Variants in SPATA6 observed in about 807,000 individuals in gnomAD.
SPATA6 encodes spermatogenesis associated 6, also known as spermatogenesis-associated protein 6.
In SPATA6, 56 loss-of-function variants were observed where a neutral mutation model predicts 65.3. The observed-to-expected ratio is 0.86, with a 90% CI of 0.69 to 1.07. The LOEUF (loss-of-function observed/expected upper bound fraction) is 1.07, where lower values mean the gene tolerates loss of function less well. Among genes scored for constraint, SPATA6 ranks in the 50% least tolerant of loss-of-function variants. The pLI is 0.00. For missense variants in SPATA6, 590 were observed against 594.8 expected (o/e 0.99, Z 0.08); for synonymous variants, 199 against 213.2 (o/e 0.93, Z 0.58).
chr1:48,367,760 T>C (rs2148846168), intron 9 of SPATA6, among the ~76,000 whole-genome samples: 2 of 152,342 alleles, frequency 1.3e-5, no homozygotes, highest in East Asian at 1.9e-4. Context: ...AATTTGCCAG[T>C]CTGTGTCTTT....
intron 11 of SPATA6, among the ~76,000 whole-genome samples, chr1:48,335,212 G>A (rs1646027017): frequency 6.6e-6 from 1 of 151,972 alleles, no homozygotes; most frequent in East Asian, 1.9e-4. Flanking sequence ...ACTGCTCAAT[G>A]CAATTTACAG....
chr1:48,423,812 G>A (rs752847452), intron 3 of SPATA6, among the ~76,000 whole-genome samples: 7 of 151,944 alleles, frequency 4.6e-5, no homozygotes, highest in Non-Finnish European at 1.0e-4. Context: ...CTTCCAAAGT[G>A]CTGAGATTAC....
At chr1:48,292,850 G>A (rs1284507445), downstream of SPATA6, among the ~76,000 whole-genome samples, 2 of 152,258 alleles carry the variant, frequency 1.3e-5, no homozygotes, top group Non-Finnish European at 2.9e-5. Flanking sequence ...AGTGCCAACT[G>A]CAGGCATGCA....
At chr1:48,329,111 T>G (rs1306737923) in intron 11 of SPATA6, among the ~76,000 whole-genome samples, 4 of 152,118 alleles carry the variant, frequency 2.6e-5, no homozygotes, top group African/African-American at 9.7e-5. Context: ...GAGAAGAAAT[T>G]AAAGTAGCTG....
In SPATA6 at chr1:48,420,454, G is replaced by A. The variant is rs190850911; in HGVS notation, c.239-7303C>T. Reference sequence around the variant, plus strand: ...GGACTTGGGCCTGCTGTCTTTAGGGGCTGCAGGATATGAGGGACTAAACCC... The same window carrying A: ...GGACTTGGGCCTGCTGTCTTTAGGGACTGCAGGATATGAGGGACTAAACCC... On this transcript the variant is annotated intron_variant, in intron 3 of 12. Transcript: ENST00000371847. Among the ~76,000 whole-genome samples the A allele has an allele frequency of 7.2e-4, 109 of 152,280 alleles. 2 individuals are homozygous for A. Among genetic ancestry groups the A allele is most frequent in the Admixed American group, 6.8e-3 (104 of 15,298 alleles).
At chr1:48,298,971 T>C (rs1473296428) in intron 12 of SPATA6, 78 bp from the exon 13 acceptor site, 2 of 1,388,648 alleles carry the variant, frequency 1.4e-6, no homozygotes, top group East Asian at 2.3e-5. Flanking sequence ...CAAATATTTA[T>C]TGAGTACTCT....
chr1:48,460,550 T>C (rs572869342), intron 1 of SPATA6, among the ~76,000 whole-genome samples: 55 of 152,132 alleles, frequency 3.6e-4, no homozygotes, highest in African/African-American at 1.2e-3. Context: ...CAATGCACCA[T>C]AGGTTCCAGC....
At position 48,321,952 on chromosome 1, in the gene SPATA6, C is replaced by A. The variant is rs577188826; in HGVS notation, c.1195-16074G>T. On this transcript the variant is annotated intron_variant, in intron 11 of 12. Coordinates refer to ENST00000371847, the MANE Select transcript of SPATA6 (RefSeq NM_019073.4). ...TATTAAGAAGAAAATTTTAAAATTT[C>A]TTAAAGTAAATGTACATGAAAATAC... is the stretch of plus-strand genomic sequence containing the variant. Among the ~76,000 whole-genome samples the A allele has an allele frequency of 1.1e-4, 16 of 152,064 alleles. 1 individual carries two copies. In the South Asian group the frequency reaches 3.3e-3, roughly 32 times the overall value.
chr1:48,279,347 T>G, the SPATA6 span, among the ~76,000 whole-genome samples: 1 of 152,234 alleles, frequency 6.6e-6, no homozygotes. Context: ...ACTTTAAATG[T>G]AAATGGGCTA....
At chr1:48,309,700 T>C (rs1361544899) in intron 11 of SPATA6, among the ~76,000 whole-genome samples, 5 of 152,220 alleles carry the variant, frequency 3.3e-5, no homozygotes, top group African/African-American at 1.2e-4. Context: ...TGTTGTTGTT[T>C]ATTCTAGTTA....
At chr1:48,300,019 G>A (rs1340283186) in intron 12 of SPATA6, among the ~76,000 whole-genome samples, 2 of 151,964 alleles carry the variant, frequency 1.3e-5, no homozygotes, top group African/African-American at 4.8e-5. Context: ...GAAGGTGGGA[G>A]AGAGAGAGAG....
At chr1:48,466,651 A>G (rs1657828729) in intron 1 of SPATA6, among the ~76,000 whole-genome samples, 4 of 150,360 alleles carry the variant, frequency 2.7e-5, no homozygotes, top group Admixed American at 2.7e-4. Context: ...GCATCAAAGG[A>G]TTCAGTTTTT....
intron 9 of SPATA6, among the ~76,000 whole-genome samples, chr1:48,367,838 C>T (rs2354011): frequency 0.98 from 148,884 of 152,252 alleles, 72,879 homozygotes; most frequent in East Asian, 1. Context: ...ATCCTGTCAT[C>T]TTGATGTTAT....
chr1:48,471,814 C>G, intron 1 of SPATA6, 144 bp downstream of exon 1: 3 of 926,504 alleles, frequency 3.2e-6, no homozygotes, highest in Non-Finnish European at 5.0e-6. Context: ...CAAGATGGGG[C>G]AGGACCGAAG....
At chr1:48,346,664 C>T (rs1216277674) in intron 11 of SPATA6, among the ~76,000 whole-genome samples, 1 of 152,040 alleles carries the variant, frequency 6.6e-6, no homozygotes, top group Non-Finnish European at 1.5e-5. Context: ...CATTCCTATA[C>T]ACCAACAATA....
chr1:48,364,117 C>A (rs1198361556), intron 9 of SPATA6, among the ~76,000 whole-genome samples: 2 of 152,166 alleles, frequency 1.3e-5, no homozygotes, highest in Admixed American at 6.5e-5. Context: ...CATGTCCCTA[C>A]AAAGGACATG....
In SPATA6 at chr1:48,298,737, A is replaced by G. The variant is rs377754671; in HGVS notation, c.1443T>C (p.Ala481=). The part of the protein sequence containing the change: ...RNLYKKACSS[A]SHTQESF Reference sequence around the variant, plus strand: ...CTCAGAAGCTTTCCTGTGTATGTGAAGCAGAACTACAGGCCTTTTTGTATA... The same window carrying G: ...CTCAGAAGCTTTCCTGTGTATGTGAGGCAGAACTACAGGCCTTTTTGTATA... Residue 481 remains alanine (A), a synonymous_variant, in exon 13 of 13, where the codon GCT becomes GCC. Transcript: ENST00000371847. 21 of 1,613,368 alleles carry G rather than the reference A, an allele frequency of 1.3e-5. No individual in the cohort carries two copies. The highest frequency in any genetic ancestry group is 1.4e-5 in the Non-Finnish European group (17 of 1,179,722).
intron 11 of SPATA6, among the ~76,000 whole-genome samples, chr1:48,324,391 G>A (rs994194516): frequency 2.6e-5 from 4 of 152,050 alleles, no homozygotes; most frequent in African/African-American, 7.2e-5. Flanking sequence ...ACACATCAGA[G>A]AAAGAAAACT....
intron 1 of SPATA6, among the ~76,000 whole-genome samples, chr1:48,470,125 A>AATTACACAGTC (rs1458953889): frequency 2.0e-5 from 3 of 152,220 alleles, no homozygotes; most frequent in Non-Finnish European, 4.4e-5. Context: ...TTATACAGTG[A>AATTACACAGTC]ATTACACAGT....
Sources: allele counts gnomAD v4.1 joint callset (sites outside exome capture counted in the v4.1 genomes callset), GRCh38; gene constraint gnomAD v4.1.1; transcripts MANE v1.5; gene names NCBI Gene and HGNC (gene_info 2026-07-23, HGNC 2026-07-21).